The following KIF14 variants were observed in gnomAD, a reference collection of about 807,000 sequenced individuals.
KIF14 encodes kinesin family member 14, also known as kinesin-like protein KIF14.
In KIF14, 98 loss-of-function variants were observed where a neutral mutation model predicts 176.2. The observed-to-expected ratio is 0.56, with a 90% CI of 0.47 to 0.66. The LOEUF (loss-of-function observed/expected upper bound fraction) is 0.66, where lower values mean the gene tolerates loss of function less well. Among genes scored for constraint, KIF14 ranks in the 30% least tolerant of loss-of-function variants. The pLI, the probability that KIF14 is intolerant of heterozygous loss-of-function variation, is 0.00. For synonymous variants in KIF14, 566 were observed against 632.2 expected, an observed-to-expected ratio of 0.90 and a Z score of 1.57; for missense variants, 1,751 against 1,920.4, an observed-to-expected ratio of 0.91 and a Z score of 1.65.
chr1:200,575,525 A>C (rs1658048004), intron 22 of KIF14, 66 bp downstream of exon 22: 1 of 377,900 alleles, frequency 2.6e-6, no homozygotes. Context: ...TACAATTTAC[A>C]CACACACACA....
At chr1:200,564,275 A>AAAAAGGC (rs1227004073) in intron 25 of KIF14, among the ~76,000 whole-genome samples, 18 of 151,652 alleles carry the variant, frequency 1.2e-4, no homozygotes, top group Middle Eastern at 3.4e-3. Context: ...AAAAAAAAAA[A>AAAAAGGC]AAAAGGCAAA....
chr1:200,620,509 C>A lies in KIF14; in HGVS notation c.-214G>T, dbSNP rs978156654. The A allele has an allele frequency of 1.3e-5, 2 of 152,462 alleles. No individual in the cohort carries two copies. Among genetic ancestry groups the A allele is most frequent in the East Asian group, 1.9e-4 (1 of 5,184 alleles). 9.4% of individuals were successfully genotyped at this position (152,462 alleles called of 1,614,324 possible). A position where few individuals can be genotyped will look rare whatever the true frequency, so the allele number is the denominator to read the frequency against. On this transcript the variant is annotated 5_prime_UTR_variant, in exon 1 of 30. Transcript: ENST00000367350. ...CGGTCCCAGCAGAGACGCTGCCTTG[C>A]GCCCTTCGTTCGGGGACCCCTTCGC...
chr1:200,612,881 CTTTTTTTTTTT>C (rs58120760), intron 4 of KIF14, among the ~76,000 whole-genome samples: 2 of 79,100 alleles, frequency 2.5e-5, no homozygotes, highest in Non-Finnish European at 2.4e-5. Context: ...AGTTTATTCT[CTTTTTTTTTTT>C]TTTTTTTTTT....
chr1:200,563,089 G>A (rs540002299), intron 25 of KIF14, among the ~76,000 whole-genome samples: 6 of 152,264 alleles, frequency 3.9e-5, no homozygotes, highest in African/African-American at 1.2e-4. Flanking sequence ...ATCCTCCTGA[G>A]GGAGAACAAC....
In KIF14 at chr1:200,592,228, T is replaced by C; in HGVS notation, c.2665A>G (p.Ile889Val). Residue 889 changes from isoleucine to valine, a missense_variant, in exon 16 of 30, where the codon ATT becomes GTT. Coordinates refer to ENST00000367350, the MANE Select transcript of KIF14 (RefSeq NM_014875.3). ...ITVLRHGDRV[I>V]LGGDHYFRFN... ...CTAAAATAATGATCTCCACCAAGAATCACTCGATCACCCTAAAGCACACAA... is the reference window on the plus strand; with the variant it reads ...CTAAAATAATGATCTCCACCAAGAACCACTCGATCACCCTAAAGCACACAA... 1 of 1,613,168 alleles carries C rather than the reference T, an allele frequency of 6.2e-7. No individual in the cohort carries two copies. Among genetic ancestry groups the C allele is most frequent in the South Asian group, 1.1e-5 (1 of 90,964 alleles).
intron 25 of KIF14, among the ~76,000 whole-genome samples, chr1:200,564,616 T>C (rs765389619): frequency 6.6e-6 from 1 of 152,174 alleles, no homozygotes; most frequent in Non-Finnish European, 1.5e-5. Flanking sequence ...TCCAATCCCA[T>C]ACCCAGAGAA....
chr1:200,591,086 G>A (rs1454145486), intron 16 of KIF14, among the ~76,000 whole-genome samples: 1 of 151,774 alleles, frequency 6.6e-6, no homozygotes, highest in Non-Finnish European at 1.5e-5. Context: ...GGTACTTAAT[G>A]CCTTTGGACT....
chr1:200,617,573 G>A, intron 2 of KIF14, 39 bp downstream of exon 2: 1 of 1,551,088 alleles, frequency 6.4e-7, no homozygotes, highest in Non-Finnish European at 8.7e-7. Flanking sequence ...TACCTTACAT[G>A]TAACTGCTTG....
chr1:200,570,699 G>A (rs1657735679), intron 22 of KIF14, among the ~76,000 whole-genome samples: 1 of 152,146 alleles, frequency 6.6e-6, no homozygotes, highest in Non-Finnish European at 1.5e-5. Context: ...ATTATCCAGG[G>A]AAGGATTTTA....
chr1:200,565,966 C>T (rs998408089), intron 23 of KIF14, among the ~76,000 whole-genome samples: 2 of 152,138 alleles, frequency 1.3e-5, no homozygotes, highest in South Asian at 2.1e-4. Context: ...AAATATTACT[C>T]GTATACTATT....
intron 22 of KIF14, among the ~76,000 whole-genome samples, chr1:200,573,371 C>T (rs932386819): frequency 6.7e-6 from 1 of 149,970 alleles, no homozygotes; most frequent in Non-Finnish European, 1.5e-5. Context: ...GACCTTTTTG[C>T]TATGCTATAT....
chr1:200,578,862 C>T (rs553745062), intron 21 of KIF14, among the ~76,000 whole-genome samples: 11 of 151,890 alleles, frequency 7.2e-5, no homozygotes, highest in Admixed American at 2.0e-4. Flanking sequence ...GAGGCCAAGG[C>T]GGGTGGATCA....
chr1:200,590,110 A>C lies in KIF14; in HGVS notation c.2961+15T>G. On this transcript the variant is annotated intron_variant, in intron 17 of 29. Transcript: ENST00000367350. ...ACTGTCGGAAAAAAAAAATAAAACT[A>C]ATTCTGCCTTTTACCAGTTCTGCTT... is the stretch of plus-strand genomic sequence containing the variant. 6.3e-7 allele frequency: 1 copy of C among 1,591,568 alleles called. No homozygotes were observed. Among genetic ancestry groups the C allele is most frequent in the Non-Finnish European group, 8.5e-7 (1 of 1,174,532 alleles).
intron 23 of KIF14, among the ~76,000 whole-genome samples, chr1:200,566,664 C>T (rs1262104169): frequency 6.6e-6 from 1 of 151,552 alleles, no homozygotes; most frequent in East Asian, 2.0e-4. Context: ...TACTCACAAG[C>T]GTGATCATAG....
rs76050245 is a variant in KIF14, at chr1:200,593,888, G to A, written c.2550-119C>T. ...TTGGTGTTAAGATTCATACCAATAT[G>A]TAACAATAATTTAAAATTATTTTAT... On this transcript the variant is annotated intron_variant, in intron 14 of 29. Transcript: ENST00000367350. 216 of 354,120 alleles carry A rather than the reference G, an allele frequency of 6.1e-4. No individual in the cohort carries two copies. The East Asian group carries it at 0.012, about 20-fold the overall frequency. The allele number at this position is 354,120 out of a possible 1,614,324, so 21.9% of individuals were successfully genotyped here. A position where few individuals can be genotyped will look rare whatever the true frequency, so the allele number is the denominator to read the frequency against.
In KIF14 at chr1:200,580,428, C is replaced by G. The variant is rs1285081065; in HGVS notation, c.3336-45G>C. ...AAAAAAGCTTATCCTGAAACATACACATCCATTTATACTAAGAGTTTTCTG... is the reference window on the plus strand; with the variant it reads ...AAAAAAGCTTATCCTGAAACATACAGATCCATTTATACTAAGAGTTTTCTG... On this transcript the variant is annotated intron_variant, in intron 20 of 29. Coordinates refer to ENST00000367350, the MANE Select transcript of KIF14 (RefSeq NM_014875.3). The G allele has an allele frequency of 2.3e-6, 3 of 1,310,830 alleles. No homozygotes were observed. In the South Asian group the frequency reaches 5.9e-5, roughly 26 times the overall value. The allele number at this position is 1,310,830 out of a possible 1,614,324, so 81.2% of individuals were successfully genotyped here.
Position 200,553,719 on chromosome 1 carries a change from C to A in KIF14, c.4616G>T (p.Arg1539Leu). 6.2e-7 allele frequency: 1 copy of A among 1,610,928 alleles called. No individual in the cohort carries two copies. Among genetic ancestry groups the A allele is most frequent in the Non-Finnish European group, 8.5e-7 (1 of 1,177,740 alleles). ...ACTGTAAAAATCACTGGCCAAGTTG[C>A]GAATACTTTCAACACAAGTCTGGAG... ...NLLQTCVESI[R>L]NLASDFYSDF... The change falls in exon 30 of 30, where the codon CGC (arginine) becomes CTC (leucine). Residue 1539 changes from arginine (R) to leucine (L), a missense_variant. Arg to Leu is a moderately radical substitution (Grantham distance 102, BLOSUM62 -2). Coordinates refer to ENST00000367350, the MANE Select transcript of KIF14 (RefSeq NM_014875.3).
rs1659469005 is a variant in KIF14, at chr1:200,598,396, T to C, written c.2390A>G (p.Asp797Gly). Residue 797 changes from aspartate to glycine, a missense_variant, in exon 14 of 30, where the codon GAC (aspartate) becomes GGC (glycine). By Grantham distance (94) the Asp-to-Gly change is moderately conservative. Transcript: ENST00000367350. ...LQKAGIMFQM[D>G]NHLPNLVNLN... ...ATTAACAAGGTTTGGTAAATGATTG[T>C]CCATTTGAAACATAATTCCTGCTTT... 1.2e-6 allele frequency: 2 copies of C among 1,608,660 alleles called. No homozygotes were observed. Among genetic ancestry groups the C allele is most frequent in the Middle Eastern group, 1.7e-4 (1 of 5,982 alleles).
At position 200,615,513 on chromosome 1, in the gene KIF14, A is replaced by G; in HGVS notation, c.1209T>C (p.Tyr403=). 1 of 1,614,054 alleles carries G rather than the reference A, an allele frequency of 6.2e-7. No individual in the cohort carries two copies. The highest frequency in any genetic ancestry group is 8.5e-7 in the Non-Finnish European group (1 of 1,179,904). Residue 403 remains tyrosine (Y), a synonymous_variant, in exon 3 of 30, where the codon TAT becomes TAC. Transcript: ENST00000367350. ...CATCAAAAGACCAGAATGAAACATC[A>G]TAAATAAAATTATAAACTTGTTTCG... The part of the protein sequence containing the change: ...PDTKQVYNFI[Y]DVSFWSFDEC...
Sources: gnomAD v4.1 joint callset for allele counts (sites outside exome capture counted in the v4.1 genomes callset) on GRCh38, gnomAD v4.1.1 for gene constraint, MANE v1.5 for transcripts, NCBI Gene and HGNC (gene_info 2026-07-23, HGNC 2026-07-21) for gene names.